CNTNAP5: variants seen among roughly 807,000 people sequenced by gnomAD.
CNTNAP5 encodes contactin-associated protein-like 5.
CNTNAP5 carries 72 observed loss-of-function variants against 150.2 expected under a neutral mutation model. The ratio of observed to expected loss-of-function variants is 0.48; its 90% CI spans 0.40 to 0.58. The LOEUF is 0.58. Among genes scored for constraint, CNTNAP5 ranks in the 20% least tolerant of loss-of-function variants. The pLI, the probability that CNTNAP5 is intolerant of heterozygous loss-of-function variation, is 0.00. For missense variants in CNTNAP5, 1,636 were observed against 1,626.2 expected (o/e 1.01, Z -0.10); for synonymous variants, 672 against 619.8 (o/e 1.08, Z -1.25).
In CNTNAP5 at chr2:124,763,678, T is replaced by C; in HGVS notation, c.2241T>C (p.Asn747=). 1 of 1,612,146 alleles carries C rather than the reference T, an allele frequency of 6.2e-7. No homozygotes were observed. Residue 747 remains asparagine, a synonymous_variant, in exon 15 of 24, where the codon AAT becomes AAC. Coordinates refer to ENST00000682447, the MANE Select transcript of CNTNAP5 (RefSeq NM_001367498.1). ...TTAAATTTATGTTTTGCAGGACAAA[T>C]GATACTGGCTTTCTTTCCTTCAAAG... ...NCDADKDEWT[N]DTGFLSFKDH...
chr2:124,472,147 G>T (rs1693532876), intron 6 of CNTNAP5, among the ~76,000 whole-genome samples: 1 of 151,972 alleles, frequency 6.6e-6, no homozygotes, highest in African/African-American at 2.4e-5. Flanking sequence ...TGGAACACAA[G>T]AGTGGTTCAA....
At chr2:124,789,752 T>C in intron 17 of CNTNAP5, 150 bp from the exon 18 acceptor site, 1 of 689,736 alleles carries the variant, frequency 1.4e-6, no homozygotes, top group African/African-American at 1.8e-5. Flanking sequence ...TCTTTGGAAT[T>C]CCAACTCTCA....
rs73956319 is a variant in CNTNAP5, at chr2:124,544,767, A to G, written c.1649+17311A>G. ...TGTGGATTTTACATTTTTCTTATCC[A>G]TAAGTTCAGCAGCGGACTGCACCAG... On this transcript the variant is annotated intron_variant, in intron 10 of 23. Coordinates refer to ENST00000682447, the MANE Select transcript of CNTNAP5 (RefSeq NM_001367498.1). Among the ~76,000 whole-genome samples the G allele has an allele frequency of 1.1e-3, 175 of 152,318 alleles. 1 individual carries two copies. Among genetic ancestry groups the G allele is most frequent in the African/African-American group, 3.7e-3 (152 of 41,576 alleles).
At chr2:124,165,819 C>A (rs1684800022) in intron 1 of CNTNAP5, among the ~76,000 whole-genome samples, 1 of 152,156 alleles carries the variant, frequency 6.6e-6, no homozygotes, top group South Asian at 2.1e-4. Flanking sequence ...CCACATAAAA[C>A]CCCCAGATTG....
Position 124,915,394 on chromosome 2 carries a change from C to A in CNTNAP5, c.*1106C>A, listed in dbSNP as rs1231706145. On this transcript the variant is annotated 3_prime_UTR_variant, in exon 24 of 24. Coordinates refer to ENST00000682447, the MANE Select transcript of CNTNAP5 (RefSeq NM_001367498.1). ...AAAACTGCATGAAAGAAGAAAAATA[C>A]CAAACAGAATTCTTCCCTTCCATTC... 1 of 166,106 alleles carries A rather than the reference C, an allele frequency of 6.0e-6. No homozygotes were observed. Among genetic ancestry groups the A allele is most frequent in the Non-Finnish European group, 1.5e-5 (1 of 67,934 alleles). 10.3% of individuals were successfully genotyped at this position (166,106 alleles called of 1,614,324 possible).
intron 21 of CNTNAP5, among the ~76,000 whole-genome samples, chr2:124,871,362 A>G (rs897613772): frequency 6.6e-6 from 1 of 152,056 alleles, no homozygotes; most frequent in Non-Finnish European, 1.5e-5. Flanking sequence ...TCAATGCAAT[A>G]TTGAAGAATA....
chr2:124,773,398 G>T (rs1454409755), intron 17 of CNTNAP5, among the ~76,000 whole-genome samples: 1 of 152,166 alleles, frequency 6.6e-6, no homozygotes. Context: ...CCTTCCAAGT[G>T]CTGCCCCAGT....
chr2:124,146,904 A>G (rs188956120), intron 1 of CNTNAP5, among the ~76,000 whole-genome samples: 1 of 152,332 alleles, frequency 6.6e-6, no homozygotes, highest in African/African-American at 2.4e-5. Flanking sequence ...CACTCTTCTT[A>G]GGAGCCAAAT....
chr2:124,478,880 A>G (rs1216210558), intron 7 of CNTNAP5, among the ~76,000 whole-genome samples: 2 of 152,196 alleles, frequency 1.3e-5, no homozygotes, highest in Non-Finnish European at 1.5e-5. Flanking sequence ...TTCAAGGCCC[A>G]CGGAAGCTCC....
chr2:124,482,041 A>T (rs957951438), intron 7 of CNTNAP5, among the ~76,000 whole-genome samples: 3 of 152,270 alleles, frequency 2.0e-5, no homozygotes, highest in Non-Finnish European at 2.9e-5. Context: ...AGTGCTTTTT[A>T]AAAAAACGGG....
intron 19 of CNTNAP5, among the ~76,000 whole-genome samples, chr2:124,832,888 C>T (rs1466238159): frequency 6.6e-6 from 1 of 151,176 alleles, no homozygotes; most frequent in African/African-American, 2.4e-5. Flanking sequence ...CATTTAAGCT[C>T]TGAACTTTCT....
intron 10 of CNTNAP5, among the ~76,000 whole-genome samples, chr2:124,556,764 G>A (rs142688512): frequency 5.3e-5 from 8 of 152,118 alleles, no homozygotes; most frequent in South Asian, 2.1e-4. Context: ...TTCAAGTTTC[G>A]GGACCTAGAT....
At chr2:124,830,688 A>T (rs1682695600) in intron 19 of CNTNAP5, among the ~76,000 whole-genome samples, 1 of 152,080 alleles carries the variant, frequency 6.6e-6, no homozygotes, top group Non-Finnish European at 1.5e-5. Context: ...GCACAGAATC[A>T]AGTTATACTT....
intron 11 of CNTNAP5, among the ~76,000 whole-genome samples, chr2:124,606,953 G>T (rs1677237771): frequency 6.6e-6 from 1 of 151,936 alleles, no homozygotes; most frequent in South Asian, 2.1e-4. Flanking sequence ...GAGGCAACAA[G>T]TCATGAAACA....
intron 3 of CNTNAP5, among the ~76,000 whole-genome samples, chr2:124,373,130 C>T (rs1177215234): frequency 1.3e-5 from 2 of 152,158 alleles, no homozygotes; most frequent in African/African-American, 4.8e-5. Context: ...CCGTTCTTGA[C>T]ATTAGCTTGG....
intron 11 of CNTNAP5, among the ~76,000 whole-genome samples, chr2:124,568,816 C>A (rs1300936146): frequency 6.6e-6 from 1 of 152,080 alleles, no homozygotes; most frequent in African/African-American, 2.4e-5. Context: ...GAGGCCGAGG[C>A]GGGCAGATCA....
In CNTNAP5 at chr2:124,780,173, A is replaced by G. The variant is rs150693578; in HGVS notation, c.2752+7156A>G. ...ATCAATAGCTTGCAAATCAGTTTCA[A>G]ACATTGAATGCAGCAATGGATGTCC... On this transcript the variant is annotated intron_variant, in intron 17 of 23. Coordinates refer to ENST00000682447, the MANE Select transcript of CNTNAP5 (RefSeq NM_001367498.1). Among the ~76,000 whole-genome samples, 933 of 152,234 alleles carry G rather than the reference A, an allele frequency of 6.1e-3. 24 individuals are homozygous for G. The highest frequency in any genetic ancestry group is 0.053 in the Admixed American group (802 of 15,276).
chr2:124,516,418 T>C (rs1357634417), intron 8 of CNTNAP5, among the ~76,000 whole-genome samples: 5 of 152,178 alleles, frequency 3.3e-5, no homozygotes, highest in African/African-American at 7.2e-5. Context: ...AGATAAAGCC[T>C]AGAAACTTTC....
chr2:124,914,012 C>G, intron 23 of CNTNAP5, 80 bp from the exon 24 acceptor site: 1 of 1,001,052 alleles, frequency 1.0e-6, no homozygotes, highest in Non-Finnish European at 1.5e-6. Context: ...ACGCATTCCC[C>G]TCATCTGGAG....
Sources: gnomAD v4.1 joint callset for allele counts (sites outside exome capture counted in the v4.1 genomes callset) on GRCh38, gnomAD v4.1.1 for gene constraint, MANE v1.5 for transcripts, NCBI Gene and HGNC (gene_info 2026-07-23, HGNC 2026-07-21) for gene names.